MEMO1: variants seen among roughly 807,000 people sequenced by gnomAD.
MEMO1 encodes the protein protein MEMO1.
MEMO1 carries 6 observed loss-of-function variants against 45.2 expected under a neutral mutation model. That is an observed-to-expected ratio of 0.13 (90% confidence interval 0.07 to 0.26). MEMO1 has a LOEUF of 0.26. MEMO1 is among the 10% of genes least tolerant of loss of function. MEMO1 has a pLI of 1.00. For synonymous variants in MEMO1, 78 were observed against 124.3 expected, an observed-to-expected ratio of 0.63 and a Z score of 2.48; for missense variants, 184 against 370.5, an observed-to-expected ratio of 0.50 and a Z score of 4.13.
intron 2 of MEMO1, among the ~76,000 whole-genome samples, chr2:32,002,248 T>C (rs1673469826): frequency 6.9e-6 from 1 of 145,870 alleles, no homozygotes; most frequent in African/African-American, 2.5e-5. Context: ...CATATACATA[T>C]ATACGTGTAT....
chr2:31,872,016 AAC>A lies in MEMO1; in HGVS notation c.658-2066_658-2065del, dbSNP rs55682785. On this transcript the variant is annotated intron_variant, in intron 8 of 9. Coordinates refer to ENST00000404530, the MANE Select transcript of MEMO1 (RefSeq NM_001301833.4). ...GCGACAGAGCAAGACTCTGTCTCAA[AAC>A]ACACACACACACACACACACACACA... Among the ~76,000 whole-genome samples the A allele has an allele frequency of 1.8e-3, 257 of 143,302 alleles. 3 individuals carry two copies. Among genetic ancestry groups the A allele is most frequent in the African/African-American group, 6.2e-3 (236 of 38,040 alleles). The allele number at this position is 143,302 out of a possible 152,430, so 94.0% of individuals were successfully genotyped here.
intron 2 of MEMO1, among the ~76,000 whole-genome samples, chr2:31,992,944 AT>A (rs1672129503): frequency 6.6e-6 from 1 of 152,192 alleles, no homozygotes; most frequent in Admixed American, 6.5e-5. Context: ...TGGAAAAAAA[AT>A]CATCAGAAAA....
intron 2 of MEMO1, among the ~76,000 whole-genome samples, chr2:31,999,632 T>C (rs1673028326): frequency 6.6e-6 from 1 of 152,156 alleles, no homozygotes; most frequent in African/African-American, 2.4e-5. Context: ...ATTGCACCAC[T>C]GCACTCTAGC....
intron 6 of MEMO1, among the ~76,000 whole-genome samples, chr2:31,916,230 GGTTTGTTT>G (rs551843679): frequency 6.6e-5 from 10 of 151,406 alleles, no homozygotes; most frequent in Non-Finnish European, 1.0e-4. Context: ...TTGTTTTTTG[GGTTTGTTT>G]GTTTGTTTGA....
intron 2 of MEMO1, among the ~76,000 whole-genome samples, chr2:31,990,571 C>CTTT (rs34456440): frequency 1.7e-5 from 2 of 119,990 alleles, no homozygotes; most frequent in Admixed American, 8.5e-5. Context: ...AATTTTTTTT[C>CTTT]TTTTTTTTTT....
chr2:31,997,972 C>A (rs1672802737), intron 2 of MEMO1, among the ~76,000 whole-genome samples: 1 of 152,092 alleles, frequency 6.6e-6, no homozygotes, highest in South Asian at 2.1e-4. Context: ...AGAAAAATGC[C>A]CAGGCAAATC....
rs3065385 is a variant in MEMO1 at position 31,907,786 on chromosome 2, AACACACACACAC to A, written c.437+10128_437+10139del. ...CCAGCAGGAGCAAGACCGTGTCTTA[AACACACACACAC>A]ACACACACACACACACACACACATA... On this transcript the variant is annotated intron_variant, in intron 6 of 9. Coordinates refer to ENST00000404530, the MANE Select transcript of MEMO1 (RefSeq NM_001301833.4). 5.6e-4 allele frequency among the ~76,000 whole-genome samples: 82 copies of A among 145,308 alleles called. 2 individuals are homozygous for A. The highest frequency in any genetic ancestry group is 3.2e-3 in the Middle Eastern group (1 of 310).
chr2:31,951,028 A>G (rs1558527619), intron 2 of MEMO1, among the ~76,000 whole-genome samples: 1 of 152,322 alleles, frequency 6.6e-6, no homozygotes, highest in Non-Finnish European at 1.5e-5. Flanking sequence ...CTGCTGACAT[A>G]TATCGCCCAA....
At chr2:31,970,295 T>C (rs139534040) in intron 2 of MEMO1, among the ~76,000 whole-genome samples, 1 of 152,234 alleles carries the variant, frequency 6.6e-6, no homozygotes, top group Non-Finnish European at 1.5e-5. Context: ...TCAGTAGCCC[T>C]CTCTCCAGAG....
intron 2 of MEMO1, among the ~76,000 whole-genome samples, chr2:31,945,575 T>C (rs896053752): frequency 1.3e-5 from 2 of 152,198 alleles, no homozygotes; most frequent in Non-Finnish European, 2.9e-5. Flanking sequence ...ATTCTTTCTC[T>C]GCCTGCTTAG....
intron 5 of MEMO1, among the ~76,000 whole-genome samples, chr2:31,920,109 C>T (rs747424521): frequency 2.6e-5 from 4 of 151,796 alleles, no homozygotes; most frequent in Non-Finnish European, 5.9e-5. Context: ...ATGTTAAGTA[C>T]ATCAGTTAAT....
intron 3 of MEMO1, among the ~76,000 whole-genome samples, chr2:31,933,345 A>ATTTTT (rs869073810): frequency 2.9e-5 from 1 of 34,092 alleles, no homozygotes; most frequent in Non-Finnish European, 5.2e-5. Context: ...AAAAAAAAAA[A>ATTTTT]AAAATTTATA....
chr2:31,967,977 A>G (rs558796004), intron 2 of MEMO1, among the ~76,000 whole-genome samples: 194 of 152,310 alleles, frequency 1.3e-3, no homozygotes, highest in Non-Finnish European at 1.8e-3. Flanking sequence ...TACTTAGATA[A>G]TAAGAATCAA....
At chr2:31,885,154 C>G (rs923275667) in intron 7 of MEMO1, among the ~76,000 whole-genome samples, 3 of 152,080 alleles carry the variant, frequency 2.0e-5, no homozygotes, top group African/African-American at 7.2e-5. Flanking sequence ...GAGTCTCACC[C>G]TGTTGCCCAG....
chr2:31,925,492 A>AAAAAAAAAAAAAAAAAAAG (rs1558507956), intron 4 of MEMO1, among the ~76,000 whole-genome samples: 1 of 133,938 alleles, frequency 7.5e-6, no homozygotes, highest in African/African-American at 2.6e-5. Flanking sequence ...AAAAAAAAAA[A>AAAAAAAAAAAAAAAAAAAG]AAAAAAATCT....
intron 6 of MEMO1, among the ~76,000 whole-genome samples, chr2:31,907,503 T>C (rs1221685236): frequency 6.6e-6 from 1 of 152,046 alleles, no homozygotes; most frequent in Non-Finnish European, 1.5e-5. Flanking sequence ...TTATAAAACA[T>C]AACTAGTAAG....
rs531588514 is a variant in MEMO1 at position 31,906,098 on chromosome 2, G to A, written c.437+11828C>T. ...CACAATTCTCCTGCCTCAGCCTCCC[G>A]AGTAGCTGGGATACAGGCACACACC... On this transcript the variant is annotated intron_variant, in intron 6 of 9. Transcript: ENST00000404530. Among the ~76,000 whole-genome samples the A allele has an allele frequency of 4.7e-5, 7 of 149,432 alleles. No homozygotes were observed. The East Asian group carries it at 6.1e-4, about 13-fold the overall frequency.
At chr2:31,921,949 T>C (rs1682378851) in intron 4 of MEMO1, among the ~76,000 whole-genome samples, 1 of 152,184 alleles carries the variant, frequency 6.6e-6, no homozygotes, top group Non-Finnish European at 1.5e-5. Flanking sequence ...GTAATGTTAA[T>C]TTCCTCTCAT....
At chr2:31,961,008 T>C (rs1667948285) in intron 2 of MEMO1, among the ~76,000 whole-genome samples, 1 of 152,190 alleles carries the variant, frequency 6.6e-6, no homozygotes, top group African/African-American at 2.4e-5. Context: ...GTAACAAATG[T>C]AAGCAAAGCA....
Sources: allele counts gnomAD v4.1 joint callset (sites outside exome capture counted in the v4.1 genomes callset), GRCh38; gene constraint gnomAD v4.1.1; transcripts MANE v1.5; gene names NCBI Gene and HGNC (gene_info 2026-07-23, HGNC 2026-07-21).